TMEM87A: variants seen among roughly 807,000 people sequenced by gnomAD.
The protein encoded by TMEM87A is Golgi-pH regulating cation channel.
In TMEM87A, 50 loss-of-function variants were observed where a neutral mutation model predicts 90.0. The observed-to-expected ratio is 0.56, with a 90% CI of 0.44 to 0.70. The LOEUF (loss-of-function observed/expected upper bound fraction) is 0.70. Ranked by LOEUF, TMEM87A falls within the 30% of genes least tolerant of loss-of-function variation. The pLI, the probability that TMEM87A is intolerant of heterozygous loss-of-function variation, is 0.00. For synonymous variants in TMEM87A, 226 were observed against 226.7 expected (o/e 1.00, Z 0.03); for missense variants, 577 against 660.5 (o/e 0.87, Z 1.39).
chr15:42,253,735 G>T (rs1595738597), intron 6 of TMEM87A, among the ~76,000 whole-genome samples: 2 of 152,272 alleles, frequency 1.3e-5, no homozygotes, highest in East Asian at 3.9e-4. Context: ...TTTCTTTGTT[G>T]AACTTTTTCC....
At chr15:42,253,501 G>A (rs2051122619) in intron 6 of TMEM87A, among the ~76,000 whole-genome samples, 1 of 152,082 alleles carries the variant, frequency 6.6e-6, no homozygotes, top group African/African-American at 2.4e-5. Flanking sequence ...TCTAAGTTGG[G>A]GAAAACAAAG....
At chr15:42,256,241 A>G (rs1026233063) in intron 6 of TMEM87A, among the ~76,000 whole-genome samples, 2 of 152,086 alleles carry the variant, frequency 1.3e-5, no homozygotes, top group African/African-American at 2.4e-5. Flanking sequence ...CTTGGGCTCA[A>G]GTGATTCTCA....
At chr15:42,228,634 A>T in intron 13 of TMEM87A, 78 bp downstream of exon 13, 1 of 1,226,180 alleles carries the variant, frequency 8.2e-7, no homozygotes, top group Non-Finnish European at 1.2e-6. Context: ...TTCTATGTCC[A>T]CCCATGGCCT....
At chr15:42,244,514 T>A (rs2050935425) in intron 6 of TMEM87A, among the ~76,000 whole-genome samples, 1 of 151,860 alleles carries the variant, frequency 6.6e-6, no homozygotes, top group African/African-American at 2.4e-5. Context: ...CAAAGGAATT[T>A]AAATGATTAT....
chr15:42,242,538 G>C (rs567771503), intron 7 of TMEM87A, among the ~76,000 whole-genome samples: 2 of 151,758 alleles, frequency 1.3e-5, no homozygotes, highest in African/African-American at 4.8e-5. Flanking sequence ...AGGGAGAGAG[G>C]GAGAGGGAGG....
chr15:42,244,023 A>T (rs746294239), intron 7 of TMEM87A, 27 bp downstream of exon 7: 2 of 1,372,694 alleles, frequency 1.5e-6, no homozygotes, highest in Non-Finnish European at 2.0e-6. Flanking sequence ...ATAATAACAT[A>T]ACCATTAAAA....
At position 42,219,630 on chromosome 15, in the gene TMEM87A, A is replaced by AT. The variant is rs769064926; in HGVS notation, c.1489dup (p.Met497AsnfsTer12). 1 of 1,597,346 alleles carries AT rather than the reference A, an allele frequency of 6.3e-7. No individual in the cohort carries two copies. Among genetic ancestry groups the AT allele is most frequent in the Non-Finnish European group, 8.5e-7 (1 of 1,170,146 alleles). ...ATTGGGTTCTTGTTTGGTACTTCTC[A>AT]TTTTCATTCCTTCTGTAGAAGAAAA... is the stretch of plus-strand genomic sequence containing the variant. On this transcript the variant is annotated frameshift_variant, in exon 17 of 20. Coordinates refer to ENST00000389834, the MANE Select transcript of TMEM87A (RefSeq NM_015497.5). LOFTEE classifies it high-confidence loss of function.
intron 13 of TMEM87A, 119 bp downstream of exon 13, chr15:42,228,593 G>GTCTT: frequency 1.3e-6 from 1 of 777,112 alleles, no homozygotes; most frequent in Non-Finnish European, 2.2e-6. Context: ...CAAGAGCTAA[G>GTCTT]AACCCTTTTC....
intron 11 of TMEM87A, 84 bp from the exon 12 acceptor site, chr15:42,231,344 A>G: frequency 8.7e-7 from 1 of 1,147,402 alleles, no homozygotes; most frequent in Non-Finnish European, 1.2e-6. Context: ...CTGCATTTAC[A>G]TAATCACTGG....
rs1595698083 is a variant in TMEM87A at position 42,211,610 on chromosome 15, T to C, written c.*98A>G. The C allele has an allele frequency of 2.4e-6, 3 of 1,224,886 alleles. No individual in the cohort carries two copies. The highest frequency in any genetic ancestry group is 2.7e-5 in the South Asian group (2 of 75,076). 75.9% of individuals were successfully genotyped at this position (1,224,886 alleles called of 1,614,324 possible). A position where few individuals can be genotyped will look rare whatever the true frequency, so the allele number is the denominator to read the frequency against. On this transcript the variant is annotated 3_prime_UTR_variant, in exon 20 of 20. Coordinates refer to ENST00000389834, the MANE Select transcript of TMEM87A (RefSeq NM_015497.5). ...GATCAAGGAACAGATCAGGATGTCA[T>C]TGCTTCCTTTAATCCCATGGAGCCG...
intron 15 of TMEM87A, among the ~76,000 whole-genome samples, chr15:42,222,616 C>T (rs941753085): frequency 9.9e-5 from 15 of 151,434 alleles, no homozygotes; most frequent in Non-Finnish European, 2.1e-4. Flanking sequence ...TGGAGTGCAA[C>T]GGCATGATCT....
At chr15:42,258,331 T>C in intron 6 of TMEM87A, 1 of 681,846 alleles carries the variant, frequency 1.5e-6, no homozygotes, top group Non-Finnish European at 1.8e-6. Flanking sequence ...CACTGCATGG[T>C]ATTATAGATT....
At position 42,221,275 on chromosome 15, in the gene TMEM87A, G is replaced by C. The variant is rs374912527; in HGVS notation, c.1404-1140C>G. 3.3e-3 allele frequency among the ~76,000 whole-genome samples: 493 copies of C among 148,532 alleles called. 4 individuals are homozygous for C. Among genetic ancestry groups the C allele is most frequent in the Non-Finnish European group, 4.0e-3 (261 of 65,874 alleles). ...AAAAGAAAGGAGAGACAGAGACAGA[G>C]AGAGAGAGAGAGAGAGAGAGACAGA... On this transcript the variant is annotated intron_variant, in intron 15 of 19. Transcript: ENST00000389834.
At chr15:42,231,759 T>C (rs540289174) in intron 11 of TMEM87A, 46 of 481,648 alleles carry the variant, frequency 9.6e-5, no homozygotes, top group African/African-American at 8.8e-4. Context: ...TGAAAAACTA[T>C]GCTGCATGTT....
intron 7 of TMEM87A, among the ~76,000 whole-genome samples, chr15:42,243,512 A>ATTTTT (rs375255055): frequency 2.5e-4 from 32 of 129,580 alleles, no homozygotes; most frequent in African/African-American, 9.1e-4. Context: ...ATGTTAATTA[A>ATTTTT]TTTTTTTTTT....
At chr15:42,261,462 C>T (rs1056542814) in intron 4 of TMEM87A, among the ~76,000 whole-genome samples, 2 of 152,018 alleles carry the variant, frequency 1.3e-5, no homozygotes, top group African/African-American at 4.8e-5. Context: ...ACCAAAATGG[C>T]CATTCAATTT....
At chr15:42,230,586 G>T (rs2050669987) in intron 12 of TMEM87A, among the ~76,000 whole-genome samples, 1 of 152,142 alleles carries the variant, frequency 6.6e-6, no homozygotes, top group African/African-American at 2.4e-5. Flanking sequence ...TCAAATAGAA[G>T]CTTGTTTGTT....
chr15:42,220,467 G>A (rs655704), intron 15 of TMEM87A, among the ~76,000 whole-genome samples: 150,129 of 152,358 alleles, frequency 0.99, 73,999 homozygotes, highest in East Asian at 1. Context: ...AAAGTAAGTC[G>A]TTACAAATAA....
intron 19 of TMEM87A, among the ~76,000 whole-genome samples, chr15:42,217,593 G>A (rs1378754357): frequency 1.3e-5 from 2 of 152,130 alleles, no homozygotes; most frequent in Admixed American, 6.5e-5. Flanking sequence ...ACTTTGAAAG[G>A]TGAAACATGT....
Sources: allele counts gnomAD v4.1 joint callset (sites outside exome capture counted in the v4.1 genomes callset), GRCh38; gene constraint gnomAD v4.1.1; transcripts MANE v1.5; gene names NCBI Gene and HGNC (gene_info 2026-07-23, HGNC 2026-07-21).